The following VPS13B variants were observed in gnomAD, a reference collection of about 807,000 sequenced individuals.
VPS13B encodes the protein intermembrane lipid transfer protein VPS13B.
In VPS13B, 285 loss-of-function variants were observed where a neutral mutation model predicts 426.4. The observed-to-expected ratio is 0.67, with a 90% CI of 0.61 to 0.74. The LOEUF (loss-of-function observed/expected upper bound fraction) is 0.74, where lower values mean the gene tolerates loss of function less well. VPS13B is among the 30% of genes least tolerant of loss of function. The pLI, the probability that VPS13B is intolerant of heterozygous loss-of-function variation, is 0.00. For missense variants in VPS13B, 4,537 were observed against 4,782.6 expected, an observed-to-expected ratio of 0.95 and a Z score of 1.51; for synonymous variants, 1,676 against 1,676.4, an observed-to-expected ratio of 1.00 and a Z score of 0.01.
rs542031469 is a variant in VPS13B at position 99,517,971 on chromosome 8, A to G, written c.4634-2928A>G. 3.3e-5 allele frequency among the ~76,000 whole-genome samples: 5 copies of G among 151,964 alleles called. No individual in the cohort carries two copies. The South Asian group carries it at 6.2e-4, about 19-fold the overall frequency. Reference sequence around the variant, plus strand: ...TATTTTGATAAGTTGAATACTTTCTATAATAAAATTAATTATTTTAATCTA... The same window carrying G: ...TATTTTGATAAGTTGAATACTTTCTGTAATAAAATTAATTATTTTAATCTA... On this transcript the variant is annotated intron_variant, in intron 29 of 61. Coordinates refer to ENST00000357162, the MANE Select transcript of VPS13B (RefSeq NM_152564.5).
At chr8:99,521,170 A>G (rs1305142206) in intron 30 of VPS13B, among the ~76,000 whole-genome samples, 160 bp downstream of exon 30, 1 of 152,150 alleles carries the variant, frequency 6.6e-6, no homozygotes, top group African/African-American at 2.4e-5. Flanking sequence ...TGGGTTTTTT[A>G]ATTCATTCAG....
In VPS13B at chr8:99,193,015, G is replaced by A. The variant is rs148788159; in HGVS notation, c.2473G>A (p.Ala825Thr). The stretch of plus-strand genomic sequence containing the variant: ...TCATCTTGGAAATGTCAGCTCTTCC[G>A]CAGTGATTGAAGCTTTGATAAATGA... ...WSHLGNVSSSAVIEALINEIF... is the reference protein window; with the variant it reads ...WSHLGNVSSSTVIEALINEIF... The change falls in exon 17 of 62, where the codon GCA becomes ACA. Residue 825 changes from alanine to threonine, a missense_variant. Physicochemically the swap from Ala to Thr is moderately conservative, Grantham distance 58. This residue lies in a region of VPS13B where 4,311 missense variants were observed against 4,474.3 expected (regional missense o/e 0.96). Transcript: ENST00000357162. The A allele has an allele frequency of 9.4e-5, 151 of 1,613,664 alleles. 1 individual carries two copies. In the Middle Eastern group the frequency reaches 5.9e-3, roughly 64 times the overall value.
intron 35 of VPS13B, among the ~76,000 whole-genome samples, chr8:99,680,462 T>G (rs1433235018): frequency 6.6e-6 from 1 of 152,202 alleles, no homozygotes; most frequent in African/African-American, 2.4e-5. Flanking sequence ...TAAGTATAAT[T>G]TATTTGCATT....
At chr8:99,155,455 A>G (rs11988987) in intron 14 of VPS13B, among the ~76,000 whole-genome samples, 40,414 of 152,032 alleles carry the variant, frequency 0.27, 6,118 homozygotes, top group East Asian at 0.43. Flanking sequence ...GGACAGTCTC[A>G]TAGGGTGCTT....
chr8:99,365,516 C>CTTCTTTTTTTTTTTT (rs71273182), intron 19 of VPS13B, among the ~76,000 whole-genome samples: 1 of 102,390 alleles, frequency 9.8e-6, no homozygotes, highest in Non-Finnish European at 1.8e-5. Flanking sequence ...TCTTCTTCTT[C>CTTCTTTTTTTTTTTT]TTTTTTTTTT....
intron 3 of VPS13B, among the ~76,000 whole-genome samples, chr8:99,092,783 A>G (rs1188604934): frequency 6.6e-6 from 1 of 152,084 alleles, no homozygotes. Context: ...GGTTTATAGT[A>G]TATATTCCTA....
intron 19 of VPS13B, among the ~76,000 whole-genome samples, chr8:99,312,464 A>G (rs556502698): frequency 6.6e-6 from 1 of 152,244 alleles, no homozygotes; most frequent in African/African-American, 2.4e-5. Flanking sequence ...CTGGGTTGAA[A>G]ATTATTTTCT....
At chr8:99,457,839 G>A (rs923895606) in intron 23 of VPS13B, among the ~76,000 whole-genome samples, 1 of 151,480 alleles carries the variant, frequency 6.6e-6, no homozygotes, top group African/African-American at 2.4e-5. Flanking sequence ...TCTTCTTTGG[G>A]CCCTGGGTTA....
intron 24 of VPS13B, among the ~76,000 whole-genome samples, chr8:99,475,647 T>TTTG (rs1380462297): frequency 1.3e-5 from 2 of 152,320 alleles, no homozygotes; most frequent in South Asian, 4.1e-4. Context: ...AAGCTCAGAT[T>TTTG]TTGTTGTTGT....
intron 8 of VPS13B, among the ~76,000 whole-genome samples, chr8:99,130,469 G>A (rs1162975413): frequency 6.7e-6 from 1 of 149,630 alleles, no homozygotes; most frequent in Admixed American, 6.7e-5. Context: ...CTCACTGCAA[G>A]CTCTGCCTCC....
chr8:99,623,994 C>CATATATATATATATATATATAT (rs770947718), intron 33 of VPS13B, among the ~76,000 whole-genome samples: 1 of 53,946 alleles, frequency 1.9e-5, no homozygotes, highest in East Asian at 9.2e-4. Flanking sequence ...ATGAAACATA[C>CATATATATATATATATATATAT]ATATATATAT....
In VPS13B at chr8:99,726,989, G is replaced by A. The variant is rs138507687; in HGVS notation, c.7050+5942G>A. 6.3e-3 allele frequency among the ~76,000 whole-genome samples: 962 copies of A among 152,210 alleles called. 8 individuals carry two copies. Among genetic ancestry groups the A allele is most frequent in the African/African-American group, 0.022 (904 of 41,518 alleles). On this transcript the variant is annotated intron_variant, in intron 39 of 61. Coordinates refer to ENST00000357162, the MANE Select transcript of VPS13B (RefSeq NM_152564.5). ...GCATTTCTGATCACTTGTGTGTTTT[G>A]CACCCAGCACTGTGCTGGGTACTTT...
In VPS13B at chr8:99,136,683, G is replaced by A. The variant is rs1195488663; in HGVS notation, c.1582G>A (p.Ala528Thr). The A allele has an allele frequency of 1.2e-6, 2 of 1,613,474 alleles. No homozygotes were observed. The highest frequency in any genetic ancestry group is 1.7e-6 in the Non-Finnish European group (2 of 1,179,646). ...TTGGCAGGAGACATACACTGAGATAGCTGGAATGCAACGGTTTGGGGCTTT... is the reference window on the plus strand; with the variant it reads ...TTGGCAGGAGACATACACTGAGATAACTGGAATGCAACGGTTTGGGGCTTT... The part of the protein sequence containing the change: ...THHKETYTEI[A>T]GMQRFGAFYM... Residue 528 changes from alanine to threonine, a missense_variant, in exon 12 of 62, where the codon GCT becomes ACT. By Grantham distance (58) the Ala-to-Thr change is moderately conservative. Transcript: ENST00000357162.
chr8:99,184,172 A>G (rs1242177748), intron 16 of VPS13B, among the ~76,000 whole-genome samples: 1 of 152,194 alleles, frequency 6.6e-6, no homozygotes, highest in African/African-American at 2.4e-5. Context: ...TATTATGAAT[A>G]ATGCTGCCAT....
chr8:99,293,700 AAAAC>A (rs1460923342), intron 19 of VPS13B, among the ~76,000 whole-genome samples: 15 of 151,996 alleles, frequency 9.9e-5, no homozygotes, highest in African/African-American at 2.4e-4. Flanking sequence ...TTACAAGAAA[AAAAC>A]AAACAACCCC....
chr8:99,556,689 A>G (rs755014057), intron 31 of VPS13B, 36 bp downstream of exon 31: 1 of 1,599,508 alleles, frequency 6.3e-7, no homozygotes, highest in South Asian at 1.1e-5. Context: ...ACTCTTTCTA[A>G]TACTTCATTG....
intron 39 of VPS13B, among the ~76,000 whole-genome samples, chr8:99,721,438 G>A (rs932992343): frequency 6.6e-6 from 1 of 152,164 alleles, no homozygotes; most frequent in Non-Finnish European, 1.5e-5. Flanking sequence ...AGAAAGAGAT[G>A]ACTGTAGTTT....
At chr8:99,677,893 T>A (rs1330504565) in intron 35 of VPS13B, among the ~76,000 whole-genome samples, 1 of 152,184 alleles carries the variant, frequency 6.6e-6, no homozygotes, top group African/African-American at 2.4e-5. Flanking sequence ...TAACTCTAAC[T>A]TTCCAACTTT....
intron 2 of VPS13B, among the ~76,000 whole-genome samples, chr8:99,032,716 A>G (rs1380908804): frequency 7.1e-6 from 1 of 140,758 alleles, no homozygotes; most frequent in African/African-American, 2.6e-5. Context: ...TTTTTTTTGT[A>G]TTTTTAGTGG....
Sources: gnomAD v4.1 joint callset for allele counts (sites outside exome capture counted in the v4.1 genomes callset) on GRCh38, gnomAD v4.1.1 for gene constraint, gnomAD v4.1.1 regional missense constraint, MANE v1.5 for transcripts, NCBI Gene and HGNC (gene_info 2026-07-23, HGNC 2026-07-21) for gene names.